The following USH2A variants were observed in gnomAD, a reference collection of about 807,000 sequenced individuals.
The protein encoded by USH2A is Usher syndrome 2A (autosomal recessive, mild).
A neutral mutation model predicts 538.9 loss-of-function variants in USH2A; 443 were observed. The observed-to-expected ratio is 0.82, with a 90% CI of 0.76 to 0.89. The LOEUF is 0.89. USH2A is among the 40% of genes least tolerant of loss of function. The pLI is 0.00. For synonymous variants in USH2A, 2,413 were observed against 2,273.5 expected (o/e 1.06, Z -1.75); for missense variants, 6,633 against 6,324.8 (o/e 1.05, Z -1.65).
chr1:215,839,477 T>G (rs1053513826), intron 46 of USH2A, among the ~76,000 whole-genome samples: 1 of 152,218 alleles, frequency 6.6e-6, no homozygotes, highest in East Asian at 1.9e-4. Flanking sequence ...TGTTCTCCAC[T>G]GTACCCTACT....
At chr1:216,109,421 T>C (rs2032813123) in intron 21 of USH2A, among the ~76,000 whole-genome samples, 1 of 152,210 alleles carries the variant, frequency 6.6e-6, no homozygotes, top group South Asian at 2.1e-4. Flanking sequence ...CACAGCACTC[T>C]GATCACCTAT....
chr1:215,693,160 T>G (rs1233888655), intron 61 of USH2A, among the ~76,000 whole-genome samples: 1 of 150,274 alleles, frequency 6.7e-6, no homozygotes, highest in Non-Finnish European at 1.5e-5. Flanking sequence ...GTATTTTTTT[T>G]TGTGGATACA....
intron 47 of USH2A, 128 bp from the exon 48 acceptor site, chr1:215,817,323 A>T: frequency 2.2e-6 from 1 of 455,634 alleles, no homozygotes; most frequent in Non-Finnish European, 3.3e-6. Context: ...TTATATATGA[A>T]ATCATATATT....
chr1:216,328,516 A>T (rs1360897096), intron 4 of USH2A, among the ~76,000 whole-genome samples: 1 of 152,148 alleles, frequency 6.6e-6, no homozygotes, highest in East Asian at 1.9e-4. Context: ...TTCTAAAAAA[A>T]TAAAATTGGA....
chr1:216,246,528 T>A, intron 13 of USH2A, 57 bp downstream of exon 13: 1 of 1,612,666 alleles, frequency 6.2e-7, no homozygotes, highest in Non-Finnish European at 8.5e-7. Context: ...AGAAGTTACC[T>A]AAGTTAACAA....
At chr1:216,039,583 A>T (rs936254354) in intron 32 of USH2A, among the ~76,000 whole-genome samples, 1 of 152,026 alleles carries the variant, frequency 6.6e-6, no homozygotes, top group Non-Finnish European at 1.5e-5. Flanking sequence ...AATGTACTGC[A>T]ATGTGATATT....
chr1:216,317,000 G>T (rs1467597299), intron 9 of USH2A, among the ~76,000 whole-genome samples: 4 of 152,144 alleles, frequency 2.6e-5, no homozygotes, highest in Non-Finnish European at 4.4e-5. Context: ...CAGATGGATA[G>T]AATGCAAAAA....
intron 66 of USH2A, 51 bp downstream of exon 66, chr1:215,648,477 G>T (rs1656932543): frequency 1.3e-6 from 2 of 1,576,392 alleles, no homozygotes; most frequent in Non-Finnish European, 1.7e-6. Flanking sequence ...GAGTTCATAT[G>T]TCTGTACACA....
intron 9 of USH2A, among the ~76,000 whole-genome samples, chr1:216,294,139 C>G (rs2037058975): frequency 1.3e-5 from 2 of 152,060 alleles, no homozygotes; most frequent in Admixed American, 1.3e-4. Context: ...TTTTAACTTT[C>G]TAATATAAAT....
At chr1:215,914,642 ATCCAATATC>A (rs1465543858) in intron 38 of USH2A, among the ~76,000 whole-genome samples, 1 of 152,124 alleles carries the variant, frequency 6.6e-6, no homozygotes, top group Non-Finnish European at 1.5e-5. Flanking sequence ...ACCTTGATCT[ATCCAATATC>A]TCCTTAGGGA....
intron 32 of USH2A, among the ~76,000 whole-genome samples, chr1:216,039,381 G>C (rs903282747): frequency 3.3e-5 from 5 of 151,910 alleles, no homozygotes; most frequent in Non-Finnish European, 7.4e-5. Flanking sequence ...CTATATGACT[G>C]AGACATCAAA....
intron 50 of USH2A, among the ~76,000 whole-genome samples, chr1:215,792,917 G>A (rs1662021983): frequency 6.6e-6 from 1 of 152,176 alleles, no homozygotes; most frequent in South Asian, 2.1e-4. Flanking sequence ...GGTGGAGTGT[G>A]TCTTTGAACA....
intron 30 of USH2A, among the ~76,000 whole-genome samples, chr1:216,051,414 G>A (rs1409279092): frequency 6.6e-6 from 1 of 152,168 alleles, no homozygotes; most frequent in Non-Finnish European, 1.5e-5. Flanking sequence ...ATCATAAAAT[G>A]TGTTTTAGCC....
chr1:216,180,650 C>T (rs565922672), intron 20 of USH2A, among the ~76,000 whole-genome samples: 1 of 152,036 alleles, frequency 6.6e-6, no homozygotes, highest in Non-Finnish European at 1.5e-5. Context: ...CCTATGAAGA[C>T]TGTATGGCTG....
At position 215,650,853 on chromosome 1, in the gene USH2A, GAAAAAAA is replaced by G. The variant is rs371744542; in HGVS notation, c.14134-59_14134-53del. On this transcript the variant is annotated intron_variant, in intron 64 of 71. Transcript: ENST00000307340. ...CAAAAGCAAGATACCCTAAGGCTGG[GAAAAAAA>G]AAAAAAAAAGAAAGGAAAAAAAACG... is the stretch of plus-strand genomic sequence containing the variant. 12 of 1,232,516 alleles carry G rather than the reference GAAAAAAA, an allele frequency of 9.7e-6. No homozygotes were observed. The African/African-American group carries it at 1.2e-4, about 13-fold the overall frequency. 76.3% of individuals were successfully genotyped at this position (1,232,516 alleles called of 1,614,324 possible).
chr1:215,939,167 C>T (rs995388155), intron 37 of USH2A, among the ~76,000 whole-genome samples: 4 of 152,162 alleles, frequency 2.6e-5, no homozygotes, highest in African/African-American at 4.8e-5. Context: ...AGTATTATAC[C>T]TCTTTCTCTC....
At chr1:215,650,839 T>C (rs748187865) in intron 64 of USH2A, 38 bp from the exon 65 acceptor site, 9 of 1,452,114 alleles carry the variant, frequency 6.2e-6, no homozygotes, top group Non-Finnish European at 8.3e-6. Context: ...AAAAGCAAGA[T>C]ACCCTAAGGC....
At chr1:215,993,836 A>G (rs1009840886) in intron 34 of USH2A, among the ~76,000 whole-genome samples, 6 of 152,188 alleles carry the variant, frequency 3.9e-5, no homozygotes, top group East Asian at 1.9e-4. Context: ...CAAATTTAAC[A>G]TGATCACAGA....
chr1:215,726,882 T>G (rs1659835185), intron 61 of USH2A, among the ~76,000 whole-genome samples: 1 of 152,208 alleles, frequency 6.6e-6, no homozygotes, highest in Admixed American at 6.5e-5. Context: ...TAAGTCTCAG[T>G]GTAGTGGACA....
Sources: allele counts gnomAD v4.1 joint callset (sites outside exome capture counted in the v4.1 genomes callset), GRCh38; gene constraint gnomAD v4.1.1; transcripts MANE v1.5; gene names NCBI Gene and HGNC (gene_info 2026-07-23, HGNC 2026-07-21).